The following GSPT1 variants were observed in gnomAD, a reference collection of about 807,000 sequenced individuals.
GSPT1 encodes the protein eukaryotic peptide chain release factor GTP-binding subunit ERF3A.
In GSPT1, 20 loss-of-function variants were observed where a neutral mutation model predicts 72.5. The ratio of observed to expected loss-of-function variants is 0.28; its 90% CI spans 0.19 to 0.40. The LOEUF (loss-of-function observed/expected upper bound fraction) is 0.40, where lower values mean the gene tolerates loss of function less well. Among genes scored for constraint, GSPT1 ranks in the 10% least tolerant of loss-of-function variants. The pLI, the probability that GSPT1 is intolerant of heterozygous loss-of-function variation, is 1.00. For missense variants in GSPT1, 580 were observed against 811.9 expected (o/e 0.71, Z 3.47); for synonymous variants, 334 against 293.5 (o/e 1.14, Z -1.41).
Position 11,915,517 on chromosome 16 carries a change from T to C in GSPT1, c.204A>G (p.Gln68=). 2 of 1,534,210 alleles carry C rather than the reference T, an allele frequency of 1.3e-6. No homozygotes were observed. Among genetic ancestry groups the C allele is most frequent in the Non-Finnish European group, 1.8e-6 (2 of 1,142,474 alleles). Residue 68 remains glutamine (Q), a synonymous_variant, in exon 1 of 15, where the codon CAA becomes CAG. Coordinates refer to ENST00000434724, the MANE Select transcript of GSPT1 (RefSeq NM_002094.4). ...RENLSAAFSR[Q]LNVNAKPFVP... is the part of the protein sequence containing the mutation. ...CGAAGGGCTTGGCGTTGACGTTGAGTTGCCGGCTGAAGGCCGCGCTGAGGT... is the reference window on the plus strand; with the variant it reads ...CGAAGGGCTTGGCGTTGACGTTGAGCTGCCGGCTGAAGGCCGCGCTGAGGT...
At chr16:11,884,596 C>T (rs536625848) in intron 10 of GSPT1, among the ~76,000 whole-genome samples, 1 of 151,950 alleles carries the variant, frequency 6.6e-6, no homozygotes, top group African/African-American at 2.4e-5. Context: ...CCGGTCTCTA[C>T]TAAAAATACA....
intron 1 of GSPT1, among the ~76,000 whole-genome samples, chr16:11,899,144 T>G (rs1178103265): frequency 6.6e-6 from 1 of 152,150 alleles, no homozygotes; most frequent in East Asian, 1.9e-4. Context: ...AAGAATTAAA[T>G]CATATGAATC....
chr16:11,901,628 T>C (rs1254216655), intron 1 of GSPT1, among the ~76,000 whole-genome samples: 1 of 150,400 alleles, frequency 6.6e-6, no homozygotes, highest in African/African-American at 2.5e-5. Flanking sequence ...AAAATATATA[T>C]ATATATATAT....
rs184880057 is a variant in GSPT1, at chr16:11,870,625, T to C, written c.*2494A>G. ...CATAATGCCAAGTTCACCTTAGACATTTTATTTACTTATCCAAATGAACAG... is the reference window on the plus strand; with the variant it reads ...CATAATGCCAAGTTCACCTTAGACACTTTATTTACTTATCCAAATGAACAG... On this transcript the variant is annotated 3_prime_UTR_variant, in exon 15 of 15. Coordinates refer to ENST00000434724, the MANE Select transcript of GSPT1 (RefSeq NM_002094.4). 9 of 152,326 alleles carry C rather than the reference T, an allele frequency of 5.9e-5. 1 individual carries two copies. Among genetic ancestry groups the C allele is most frequent in the Admixed American group, 5.2e-4 (8 of 15,296 alleles). The allele number at this position is 152,326 out of a possible 1,614,324, so 9.4% of individuals were successfully genotyped here.
At chr16:11,881,049 C>G (rs1467629620) in intron 11 of GSPT1, 1 of 152,356 alleles carries the variant, frequency 6.6e-6, no homozygotes, top group Non-Finnish European at 1.5e-5. Context: ...CAGGCACCCG[C>G]TGACACACTT....
intron 1 of GSPT1, chr16:11,908,385 G>A (rs536555387): frequency 1.3e-5 from 2 of 152,334 alleles, no homozygotes; most frequent in East Asian, 1.9e-4. Context: ...CACTTTGGGA[G>A]GCCGAGGTGG....
At chr16:11,890,083 T>C (rs631062) in intron 6 of GSPT1, among the ~76,000 whole-genome samples, 151,765 of 151,768 alleles carry the variant, frequency 1, 75,881 homozygotes, top group Middle Eastern at 1. Context: ...GCCTCAGCCT[T>C]CCAAGTAGCT....
upstream of GSPT1, among the ~76,000 whole-genome samples, chr16:11,916,429 C>G (rs907560593): frequency 6.6e-6 from 1 of 152,216 alleles, no homozygotes; most frequent in Non-Finnish European, 1.5e-5. Flanking sequence ...AAAATACACT[C>G]AGCTCCCGAA....
intron 5 of GSPT1, among the ~76,000 whole-genome samples, chr16:11,892,896 T>C (rs2054287707): frequency 6.8e-6 from 1 of 146,810 alleles, no homozygotes; most frequent in African/African-American, 2.5e-5. Flanking sequence ...GTGGACAATC[T>C]TGACAGATGA....
At chr16:11,890,724 C>G (rs1411500277) in intron 6 of GSPT1, 1 of 170,630 alleles carries the variant, frequency 5.9e-6, no homozygotes. Context: ...TTTCCTGCTT[C>G]CCCCCAACTG....
chr16:11,910,529 GA>G, intron 1 of GSPT1, among the ~76,000 whole-genome samples: 1 of 152,062 alleles, frequency 6.6e-6, no homozygotes, highest in Non-Finnish European at 1.5e-5. Flanking sequence ...CGCATTTCTG[GA>G]AAAAAATTCC....
At chr16:11,903,381 T>C (rs895035408) in intron 1 of GSPT1, among the ~76,000 whole-genome samples, 1 of 151,950 alleles carries the variant, frequency 6.6e-6, no homozygotes, top group African/African-American at 2.4e-5. Flanking sequence ...TGATGACAGG[T>C]GCCTATAATC....
chr16:11,898,740 G>A (rs1260703779), intron 1 of GSPT1, among the ~76,000 whole-genome samples: 10 of 151,772 alleles, frequency 6.6e-5, no homozygotes, highest in African/African-American at 2.2e-4. Context: ...TTGAGCCACC[G>A]CATCCAGCCT....
chr16:11,905,475 T>C (rs1324844385), intron 1 of GSPT1, among the ~76,000 whole-genome samples: 3 of 152,118 alleles, frequency 2.0e-5, no homozygotes, highest in Non-Finnish European at 4.4e-5. Context: ...TCCCTGTCCA[T>C]CCCCTACCCT....
At position 11,871,265 on chromosome 16, in the gene GSPT1, TCA is replaced by T. The variant is rs2053975435; in HGVS notation, c.*1852_*1853del. ...CTCATTCAAGAAATGAATGGGAATT[TCA>T]CAGTTAAGAAAACACTAGGCCAAGT... is the stretch of plus-strand genomic sequence containing the variant. On this transcript the variant is annotated 3_prime_UTR_variant, in exon 15 of 15. Coordinates refer to ENST00000434724, the MANE Select transcript of GSPT1 (RefSeq NM_002094.4). The T allele has an allele frequency of 6.6e-6, 1 of 152,196 alleles. No individual in the cohort carries two copies. The highest frequency in any genetic ancestry group is 1.5e-5 in the Non-Finnish European group (1 of 68,046). 9.4% of individuals were successfully genotyped at this position (152,196 alleles called of 1,614,324 possible). A position where few individuals can be genotyped will look rare whatever the true frequency, so the allele number is the denominator to read the frequency against.
At chr16:11,895,036 T>C (rs779389923) in intron 4 of GSPT1, 49 bp from the exon 5 acceptor site, 8 of 1,154,024 alleles carry the variant, frequency 6.9e-6, no homozygotes, top group East Asian at 2.4e-5. Context: ...CAAAAACCAA[T>C]GGCTAAATAT....
At chr16:11,916,383 G>T (rs2054637971), upstream of GSPT1, among the ~76,000 whole-genome samples, 1 of 152,186 alleles carries the variant, frequency 6.6e-6, no homozygotes, top group African/African-American at 2.4e-5. Flanking sequence ...GACACAGGCT[G>T]GGGGAAAACG....
At chr16:11,903,417 G>C (rs1349899890) in intron 1 of GSPT1, among the ~76,000 whole-genome samples, 1 of 152,156 alleles carries the variant, frequency 6.6e-6, no homozygotes, top group Admixed American at 6.6e-5. Flanking sequence ...GCTGAGCCAG[G>C]AGAATCTGGC....
rs1555504706 is a variant in GSPT1 at position 11,892,519 on chromosome 16, A to ATAAAT, written c.699-1381_699-1380insATTTA. ...GAGACCCTTTCTCAAAAAAACAAAA[A>ATAAAT]AAACAAAAAAAACAAAAAATAAAAA... On this transcript the variant is annotated intron_variant, in intron 5 of 14. Transcript: ENST00000434724. Among the ~76,000 whole-genome samples, 47 of 142,768 alleles carry ATAAAT rather than the reference A, an allele frequency of 3.3e-4. 2 individuals are homozygous for ATAAAT. Among genetic ancestry groups the ATAAAT allele is most frequent in the African/African-American group, 1.2e-3 (44 of 35,774 alleles). The allele number at this position is 142,768 out of a possible 152,430, so 93.7% of individuals were successfully genotyped here.
Sources: allele counts gnomAD v4.1 joint callset (sites outside exome capture counted in the v4.1 genomes callset), GRCh38; gene constraint gnomAD v4.1.1; transcripts MANE v1.5; gene names NCBI Gene and HGNC (gene_info 2026-07-23, HGNC 2026-07-21).